SLC1A2: variants seen among roughly 807,000 people sequenced by gnomAD.
The protein encoded by SLC1A2 is excitatory amino acid transporter 2.
In SLC1A2, 15 loss-of-function variants were observed where a neutral mutation model predicts 48.8. That is an observed-to-expected ratio of 0.31 (90% CI 0.21 to 0.47). SLC1A2 has a LOEUF of 0.47. Among genes scored for constraint, SLC1A2 ranks in the 20% least tolerant of loss-of-function variants. SLC1A2 has a pLI of 0.99. For missense variants in SLC1A2, 502 were observed against 730.5 expected (o/e 0.69, Z 3.61); for synonymous variants, 279 against 272.6 (o/e 1.02, Z -0.23).
In SLC1A2 at chr11:35,351,946, T is replaced by A. The variant is rs146640469; in HGVS notation, c.18-34430A>T. Among the ~76,000 whole-genome samples, 18 of 152,276 alleles carry A rather than the reference T, an allele frequency of 1.2e-4. No individual in the cohort carries two copies. In the East Asian group the frequency reaches 3.3e-3, roughly 28 times the overall value. On this transcript the variant is annotated intron_variant, in intron 1 of 10. Coordinates refer to ENST00000278379, the MANE Select transcript of SLC1A2 (RefSeq NM_004171.4). The stretch of plus-strand genomic sequence containing the variant: ...ACCGCATCTGGCCCTGATCATAATT[T>A]TATAAAAATTGTACATTGCATCGAG...
intron 9 of SLC1A2, among the ~76,000 whole-genome samples, chr11:35,275,017 C>T (rs1850396554): frequency 1.3e-5 from 2 of 152,280 alleles, no homozygotes; most frequent in South Asian, 2.1e-4. Flanking sequence ...AGGGAGAGTC[C>T]CTGGAGATTG....
chr11:35,260,835 A>G lies in SLC1A2; in HGVS notation c.*59T>C. 8.6e-7 allele frequency: 1 copy of G among 1,161,322 alleles called. No homozygotes were observed. The highest frequency in any genetic ancestry group is 1.3e-6 in the Non-Finnish European group (1 of 770,378). 71.9% of individuals were successfully genotyped at this position (1,161,322 alleles called of 1,614,324 possible). On this transcript the variant is annotated 3_prime_UTR_variant, in exon 11 of 11. Transcript: ENST00000278379. ...TTTTTAAAGAAAGCTTGTTTATATC[A>G]TCAGTTACCATAGGATACGCTGGGG...
chr11:35,360,522 T>C (rs978732720), intron 1 of SLC1A2, among the ~76,000 whole-genome samples: 4 of 152,220 alleles, frequency 2.6e-5, no homozygotes, highest in African/African-American at 7.2e-5. Flanking sequence ...AGACTTGCTC[T>C]TTGACATTTA....
At chr11:35,308,645 C>T (rs1851588973) in intron 4 of SLC1A2, among the ~76,000 whole-genome samples, 2 of 152,172 alleles carry the variant, frequency 1.3e-5, no homozygotes, top group South Asian at 4.1e-4. Context: ...GCATTAATCC[C>T]ATCCATGAAA....
At chr11:35,293,893 T>C (rs962426934) in intron 6 of SLC1A2, among the ~76,000 whole-genome samples, 1 of 152,184 alleles carries the variant, frequency 6.6e-6, no homozygotes, top group Admixed American at 6.5e-5. Context: ...GTGACCATGG[T>C]TAGTGGCTTA....
chr11:35,266,701 A>G (rs1950490604), intron 9 of SLC1A2, among the ~76,000 whole-genome samples: 1 of 152,196 alleles, frequency 6.6e-6, no homozygotes, highest in African/African-American at 2.4e-5. Context: ...AAAACCACAA[A>G]AAAAAGTTAA....
At chr11:35,330,603 G>A (rs987667173) in intron 1 of SLC1A2, among the ~76,000 whole-genome samples, 3 of 152,226 alleles carry the variant, frequency 2.0e-5, no homozygotes, top group African/African-American at 7.2e-5. Flanking sequence ...CTGACCTCAA[G>A]ATAGGGAGAT....
At chr11:35,413,152 T>A (rs140259305) in intron 1 of SLC1A2, among the ~76,000 whole-genome samples, 9 of 152,206 alleles carry the variant, frequency 5.9e-5, no homozygotes, top group Non-Finnish European at 1.3e-4. Flanking sequence ...GCAGGTAACA[T>A]GAGAAAAGTA....
chr11:35,397,452 G>A (rs999529700), intron 1 of SLC1A2, among the ~76,000 whole-genome samples: 9 of 148,194 alleles, frequency 6.1e-5, no homozygotes, highest in Non-Finnish European at 1.0e-4. Context: ...TTAATAAATG[G>A]TGCTGGGAAA....
intron 1 of SLC1A2, among the ~76,000 whole-genome samples, chr11:35,378,262 T>G (rs1489147809): frequency 6.6e-6 from 1 of 152,268 alleles, no homozygotes; most frequent in Non-Finnish European, 1.5e-5. Flanking sequence ...TTGATGCCTT[T>G]GCAAAGCATT....
chr11:35,269,397 G>C (rs892160449), intron 9 of SLC1A2, among the ~76,000 whole-genome samples: 1 of 152,128 alleles, frequency 6.6e-6, no homozygotes, highest in African/African-American at 2.4e-5. Context: ...ATATTTTGTA[G>C]AATTTGGGGA....
Position 35,321,546 on chromosome 11 carries a change from A to G in SLC1A2, c.18-4030T>C, listed in dbSNP as rs538796939. On this transcript the variant is annotated intron_variant, in intron 1 of 10. Transcript: ENST00000278379. ...CACCCAGATGCACACTCTGGGGTCC[A>G]CATGTTGATTTTTACATGGATTCAA... Among the ~76,000 whole-genome samples the G allele has an allele frequency of 1.1e-3, 168 of 152,112 alleles. 1 individual carries two copies. Among genetic ancestry groups the G allele is most frequent in the Admixed American group, 1.6e-3 (25 of 15,278 alleles).
rs1348004412 is a variant in SLC1A2 at position 35,257,580 on chromosome 11, C to T, written c.*3314G>A. On this transcript the variant is annotated 3_prime_UTR_variant, in exon 11 of 11. Transcript: ENST00000278379. ...GATGCTCTTTGTATGGGAAGCATGC[C>T]CTCAAAGATCTAAGGTAAAGTATTA... 6.6e-6 allele frequency: 1 copy of T among 152,014 alleles called. No homozygotes were observed. The highest frequency in any genetic ancestry group is 1.5e-5 in the Non-Finnish European group (1 of 68,008). 9.4% of individuals were successfully genotyped at this position (152,014 alleles called of 1,614,324 possible).
At chr11:35,289,301 AT>A (rs11440191) in intron 7 of SLC1A2, among the ~76,000 whole-genome samples, 117 of 147,862 alleles carry the variant, frequency 7.9e-4, no homozygotes, top group African/African-American at 2.4e-3. Flanking sequence ...TGGGTTTTAC[AT>A]TTTTTTTTTT....
chr11:35,322,286 GC>G (rs201181063), intron 1 of SLC1A2, among the ~76,000 whole-genome samples: 2,002 of 152,266 alleles, frequency 0.013, 55 homozygotes, highest in African/African-American at 0.046. Context: ...GTGTAATGGG[GC>G]TAACGCTAAG....
intron 1 of SLC1A2, among the ~76,000 whole-genome samples, chr11:35,362,580 T>A (rs1382631851): frequency 6.6e-6 from 1 of 152,202 alleles, no homozygotes; most frequent in Admixed American, 6.5e-5. Context: ...GTAGTGAAAA[T>A]TAATTCCATC....
At chr11:35,338,328 AGT>A (rs1230984768) in intron 1 of SLC1A2, among the ~76,000 whole-genome samples, 1 of 151,970 alleles carries the variant, frequency 6.6e-6, no homozygotes, top group Non-Finnish European at 1.5e-5. Flanking sequence ...TTGCCTCCCT[AGT>A]GTCTGCTTGC....
chr11:35,311,895 A>AGG (rs375032970), intron 4 of SLC1A2, among the ~76,000 whole-genome samples: 1 of 50,758 alleles, frequency 2.0e-5, no homozygotes, highest in Non-Finnish European at 3.5e-5. Flanking sequence ...AGAGAGAGGG[A>AGG]GGGAGAGAGA....
chr11:35,282,320 T>C (rs1008321043), intron 8 of SLC1A2, among the ~76,000 whole-genome samples: 27 of 152,190 alleles, frequency 1.8e-4, no homozygotes, highest in African/African-American at 6.5e-4. Context: ...TTGAACAACC[T>C]GAGTTCAAAT....
Sources: allele counts gnomAD v4.1 joint callset (sites outside exome capture counted in the v4.1 genomes callset), GRCh38; gene constraint gnomAD v4.1.1; transcripts MANE v1.5; gene names NCBI Gene and HGNC (gene_info 2026-07-23, HGNC 2026-07-21).